Variants in GALNT13 observed in about 807,000 individuals in gnomAD.
GALNT13 encodes UDP-GalNAc:polypeptide N-acetylgalactosaminyltransferase 13.
In GALNT13, 28 loss-of-function variants were observed where a neutral mutation model predicts 64.2. The observed-to-expected ratio is 0.44, with a 90% CI of 0.32 to 0.60. The LOEUF (loss-of-function observed/expected upper bound fraction) is 0.60, where lower values mean the gene tolerates loss of function less well. Ranked by LOEUF, GALNT13 falls within the 20% of genes least tolerant of loss-of-function variation. The pLI, the probability that GALNT13 is intolerant of heterozygous loss-of-function variation, is 0.05. For synonymous variants in GALNT13, 214 were observed against 224.6 expected, an observed-to-expected ratio of 0.95 and a Z score of 0.42; for missense variants, 577 against 669.8, an observed-to-expected ratio of 0.86 and a Z score of 1.53.
chr2:153,224,266 G>C, the GALNT13 span, among the ~76,000 whole-genome samples: 1 of 152,020 alleles, frequency 6.6e-6, no homozygotes, highest in South Asian at 2.1e-4. Flanking sequence ...TAAACATTGA[G>C]GACACAAGGA....
At chr2:154,004,849 A>T (rs1030671633) in intron 3 of GALNT13, among the ~76,000 whole-genome samples, 2 of 152,230 alleles carry the variant, frequency 1.3e-5, no homozygotes, top group Admixed American at 6.5e-5. Context: ...ACAAATACAC[A>T]TACCAGGTAG....
At chr2:153,669,880 G>T in the GALNT13 span, among the ~76,000 whole-genome samples, 1 of 151,706 alleles carries the variant, frequency 6.6e-6, no homozygotes, top group Non-Finnish European at 1.5e-5. Flanking sequence ...CCTGTGCCTG[G>T]CTCGGCAGGT....
chr2:153,950,195 T>A (rs1217588699), intron 3 of GALNT13, among the ~76,000 whole-genome samples: 4 of 151,878 alleles, frequency 2.6e-5, no homozygotes, highest in African/African-American at 9.7e-5. Context: ...TGACCAATTA[T>A]TAAGTACGTA....
chr2:153,558,964 T>C, the GALNT13 span, among the ~76,000 whole-genome samples: 7 of 152,222 alleles, frequency 4.6e-5, no homozygotes, highest in African/African-American at 1.7e-4. Flanking sequence ...GAAAGTTGGA[T>C]GCTTGGTGCA....
the GALNT13 span, among the ~76,000 whole-genome samples, chr2:153,327,284 G>A: frequency 6.6e-6 from 1 of 151,928 alleles, no homozygotes; most frequent in Non-Finnish European, 1.5e-5. Flanking sequence ...GTGTCTTGGG[G>A]TTGCTCTTCT....
chr2:154,324,673 G>A (rs1443736991), intron 9 of GALNT13, among the ~76,000 whole-genome samples: 1 of 152,066 alleles, frequency 6.6e-6, no homozygotes, highest in Non-Finnish European at 1.5e-5. Flanking sequence ...AAAATAGGGA[G>A]AACCAGTGAG....
chr2:154,421,237 A>T (rs1188129303), intron 11 of GALNT13, among the ~76,000 whole-genome samples: 1 of 152,108 alleles, frequency 6.6e-6, no homozygotes, highest in Admixed American at 6.6e-5. Context: ...TACATTTTAT[A>T]TTCTGTATAA....
chr2:153,654,823 A>G, the GALNT13 span, among the ~76,000 whole-genome samples: 2 of 152,170 alleles, frequency 1.3e-5, no homozygotes, highest in South Asian at 4.1e-4. Context: ...GGATTTTGGT[A>G]TAGGGAGCAG....
At chr2:154,107,386 T>G (rs567326757) in intron 3 of GALNT13, among the ~76,000 whole-genome samples, 1 of 151,970 alleles carries the variant, frequency 6.6e-6, no homozygotes, top group Non-Finnish European at 1.5e-5. Flanking sequence ...CGAGGTCAGA[T>G]TGAGACCATC....
chr2:154,025,108 G>A (rs1195186301), intron 3 of GALNT13, among the ~76,000 whole-genome samples: 2 of 152,122 alleles, frequency 1.3e-5, no homozygotes, highest in Non-Finnish European at 2.9e-5. Context: ...CCCCTACTGG[G>A]GGGTGCCTCC....
At chr2:153,937,402 T>C (rs565759615) in intron 2 of GALNT13, among the ~76,000 whole-genome samples, 2 of 152,204 alleles carry the variant, frequency 1.3e-5, no homozygotes, top group Non-Finnish European at 2.9e-5. Context: ...TATTGTATGA[T>C]TCAATTTGTA....
At chr2:154,402,702 G>A (rs1275392986) in intron 10 of GALNT13, among the ~76,000 whole-genome samples, 6 of 152,282 alleles carry the variant, frequency 3.9e-5, no homozygotes, top group Middle Eastern at 3.4e-3. Context: ...GTTGTTGGTT[G>A]CTTTGATTTT....
At chr2:153,592,050 A>C in the GALNT13 span, among the ~76,000 whole-genome samples, 7 of 147,832 alleles carry the variant, frequency 4.7e-5, no homozygotes, top group East Asian at 1.4e-3. Flanking sequence ...GCAAACTGAC[A>C]AATGGTTAAC....
At chr2:154,048,066 G>A (rs1380740179) in intron 3 of GALNT13, among the ~76,000 whole-genome samples, 2 of 152,174 alleles carry the variant, frequency 1.3e-5, no homozygotes, top group African/African-American at 4.8e-5. Context: ...CTACTTCTAG[G>A]AAGGCCTCAG....
chr2:153,884,401 C>G (rs1252633481), intron 1 of GALNT13, among the ~76,000 whole-genome samples: 1 of 151,706 alleles, frequency 6.6e-6, no homozygotes, highest in Non-Finnish European at 1.5e-5. Context: ...CATTGTAGAG[C>G]TAATAAACAA....
At chr2:153,542,535 G>T in the GALNT13 span, among the ~76,000 whole-genome samples, 1 of 152,042 alleles carries the variant, frequency 6.6e-6, no homozygotes, top group Non-Finnish European at 1.5e-5. Context: ...AAACATCAGG[G>T]GTAAGGAATA....
At chr2:153,788,244 C>G in the GALNT13 span, among the ~76,000 whole-genome samples, 1 of 152,204 alleles carries the variant, frequency 6.6e-6, no homozygotes, top group African/African-American at 2.4e-5. Flanking sequence ...AAGCATACCT[C>G]TCAGCAGAAA....
chr2:153,807,645 G>T, the GALNT13 span, among the ~76,000 whole-genome samples: 10 of 151,968 alleles, frequency 6.6e-5, no homozygotes, highest in South Asian at 4.2e-4. Context: ...GTATCAGGTT[G>T]ATTATCCTCA....
the GALNT13 span, among the ~76,000 whole-genome samples, chr2:153,220,010 T>C: frequency 0.84 from 127,543 of 152,258 alleles, 54,630 homozygotes; most frequent in African/African-American, 0.93. Flanking sequence ...CCCTTCATCC[T>C]CGCTTTTCTT....
Sources: gnomAD v4.1 joint callset for allele counts (sites outside exome capture counted in the v4.1 genomes callset) on GRCh38, gnomAD v4.1.1 for gene constraint, MANE v1.5 for transcripts, NCBI Gene and HGNC (gene_info 2026-07-23, HGNC 2026-07-21) for gene names.